KDM4C: variants seen among roughly 807,000 people sequenced by gnomAD.
KDM4C encodes the protein lysine-specific demethylase 4C.
In KDM4C, 81 loss-of-function variants were observed where a neutral mutation model predicts 129.3. The ratio of observed to expected loss-of-function variants is 0.63; its 90% CI spans 0.52 to 0.75. KDM4C has a LOEUF of 0.75. KDM4C is among the 30% of genes least tolerant of loss of function. The pLI, the probability that KDM4C is intolerant of heterozygous loss-of-function variation, is 0.00. For missense variants in KDM4C, 1,457 were observed against 1,304.0 expected, an observed-to-expected ratio of 1.12 and a Z score of -1.81; for synonymous variants, 573 against 456.1, an observed-to-expected ratio of 1.26 and a Z score of -3.26.
At position 7,041,604 on chromosome 9, in the gene KDM4C, A is replaced by G. The variant is rs186721263; in HGVS notation, c.2260-5258A>G. On this transcript the variant is annotated intron_variant, in intron 15 of 21. Transcript: ENST00000381309. Reference sequence around the variant, plus strand: ...TGATTGTGTGCTAGACATTTTGTCTATGATGACTGAAATGAGTATTATTAT... The same window carrying G: ...TGATTGTGTGCTAGACATTTTGTCTGTGATGACTGAAATGAGTATTATTAT... Among the ~76,000 whole-genome samples the G allele has an allele frequency of 6.3e-3, 952 of 152,094 alleles. 6 individuals are homozygous for G. Among genetic ancestry groups the G allele is most frequent in the Middle Eastern group, 0.01 (3 of 294 alleles).
intron 1 of KDM4C, among the ~76,000 whole-genome samples, chr9:6,733,050 A>C (rs541924928): frequency 6.6e-6 from 1 of 152,316 alleles, no homozygotes; most frequent in Admixed American, 6.5e-5. Context: ...ACGTGGTTAC[A>C]AGGTCAAGCT....
intron 5 of KDM4C, among the ~76,000 whole-genome samples, chr9:6,872,057 T>G (rs577071586): frequency 6.6e-5 from 10 of 152,234 alleles, no homozygotes; most frequent in Non-Finnish European, 5.9e-5. Context: ...AGGGGTATTT[T>G]GAGGGGAGGA....
At chr9:7,161,495 C>G (rs542012877) in intron 19 of KDM4C, among the ~76,000 whole-genome samples, 1 of 152,264 alleles carries the variant, frequency 6.6e-6, no homozygotes, top group African/African-American at 2.4e-5. Context: ...ACTTCTCTAC[C>G]CCGAATGAAA....
In KDM4C at chr9:7,160,793, C is replaced by T. The variant is rs544002536; in HGVS notation, c.2782-4445C>T. On this transcript the variant is annotated intron_variant, in intron 19 of 21. Transcript: ENST00000381309. Reference sequence around the variant, plus strand: ...GTTAGGCTACATGGGAGTCAGGGACCCACCTGAGGAGGCAGTGTGCCCTTC... The same window carrying T: ...GTTAGGCTACATGGGAGTCAGGGACTCACCTGAGGAGGCAGTGTGCCCTTC... Among the ~76,000 whole-genome samples, 4 of 152,286 alleles carry T rather than the reference C, an allele frequency of 2.6e-5. No homozygotes were observed. The East Asian group carries it at 7.7e-4, about 29-fold the overall frequency.
intron 1 of KDM4C, chr9:6,735,113 G>A (rs553581818): frequency 7.4e-5 from 26 of 353,324 alleles, no homozygotes; most frequent in African/African-American, 4.9e-4. Context: ...GGCAGTGCTA[G>A]GGGACAATTA....
chr9:7,027,020 T>G (rs1360728577), intron 15 of KDM4C, among the ~76,000 whole-genome samples: 7 of 152,174 alleles, frequency 4.6e-5, no homozygotes, highest in Admixed American at 4.6e-4. Flanking sequence ...TTCTTTGAGT[T>G]TACTCTGAGC....
chr9:7,009,897 A>C (rs993975733), intron 12 of KDM4C, among the ~76,000 whole-genome samples: 6 of 152,142 alleles, frequency 3.9e-5, no homozygotes, highest in African/African-American at 1.4e-4. Context: ...ATTTGAAAAA[A>C]CTCACAAATG....
intron 5 of KDM4C, among the ~76,000 whole-genome samples, chr9:6,852,139 A>G (rs1306348441): frequency 2.6e-5 from 4 of 152,214 alleles, no homozygotes; most frequent in South Asian, 4.1e-4. Context: ...TAGTAGATGT[A>G]TGAAATATTA....
At chr9:7,060,084 G>C (rs1014930847) in intron 17 of KDM4C, among the ~76,000 whole-genome samples, 1 of 151,994 alleles carries the variant, frequency 6.6e-6, no homozygotes, top group Non-Finnish European at 1.5e-5. Context: ...CACATTCCTT[G>C]CAATGATTTT....
chr9:6,950,121 A>T (rs1165147589), intron 8 of KDM4C, among the ~76,000 whole-genome samples: 3 of 147,152 alleles, frequency 2.0e-5, no homozygotes, highest in African/African-American at 7.5e-5. Flanking sequence ...GTGGACAAAT[A>T]AAAATGGTAT....
intron 1 of KDM4C, among the ~76,000 whole-genome samples, chr9:6,790,670 A>T (rs935802201): frequency 2.7e-5 from 4 of 150,616 alleles, no homozygotes; most frequent in African/African-American, 9.8e-5. Context: ...AAAAAAAAAA[A>T]AAAAAAAAAA....
chr9:7,032,644 G>T (rs12554351), intron 15 of KDM4C, among the ~76,000 whole-genome samples: 7,633 of 152,238 alleles, frequency 0.05, 207 homozygotes, highest in East Asian at 0.085. Flanking sequence ...GAACCGGAGG[G>T]TGTTAGAGTT....
intron 8 of KDM4C, among the ~76,000 whole-genome samples, chr9:6,971,340 G>C (rs1831952635): frequency 6.6e-6 from 1 of 152,056 alleles, no homozygotes; most frequent in Non-Finnish European, 1.5e-5. Flanking sequence ...ATTCCAGTTT[G>C]GATTTAAATA....
chr9:6,931,544 A>C (rs949024421), intron 8 of KDM4C, among the ~76,000 whole-genome samples: 2 of 151,976 alleles, frequency 1.3e-5, no homozygotes, highest in African/African-American at 4.8e-5. Flanking sequence ...TCTTTCACCC[A>C]GGCTGGAGAA....
At chr9:7,115,974 A>T (rs1305887702) in intron 18 of KDM4C, among the ~76,000 whole-genome samples, 1 of 152,202 alleles carries the variant, frequency 6.6e-6, no homozygotes, top group East Asian at 1.9e-4. Flanking sequence ...TTGAAGTGTC[A>T]CATGTCCTTT....
intron 8 of KDM4C, among the ~76,000 whole-genome samples, chr9:6,957,732 T>C (rs1348368411): frequency 1.3e-5 from 2 of 151,952 alleles, no homozygotes; most frequent in Admixed American, 6.6e-5. Flanking sequence ...CAAGCCAGGG[T>C]GGTGGGGAGG....
intron 12 of KDM4C, among the ~76,000 whole-genome samples, chr9:7,010,771 C>G (rs1320815876): frequency 6.6e-6 from 1 of 152,152 alleles, no homozygotes; most frequent in East Asian, 1.9e-4. Context: ...AGACCAGGCT[C>G]AGTGGTTCAT....
At chr9:6,837,570 T>C (rs758342660) in intron 4 of KDM4C, among the ~76,000 whole-genome samples, 6 of 152,264 alleles carry the variant, frequency 3.9e-5, no homozygotes, top group Non-Finnish European at 7.3e-5. Context: ...AAATATGTTA[T>C]GTGAATTTGC....
At position 6,984,169 on chromosome 9, in the gene KDM4C, C is replaced by G. The variant is rs138893846; in HGVS notation, c.1119C>G (p.Phe373Leu). Reference sequence around the variant, plus strand: ...CCACTGCTTCTCTTGTTGACAGCTTCCAGTGTGCTAGGTCTACCTCTAAAA... The same window carrying G: ...CCACTGCTTCTCTTGTTGACAGCTTGCAGTGTGCTAGGTCTACCTCTAAAA... ...RRKVRKASRS[F>L]QCARSTSKRP... The change falls in exon 10 of 22, where the codon TTC becomes TTG. Residue 373 changes from phenylalanine to leucine, a missense_variant. By Grantham distance (22) the Phe-to-Leu change is conservative. Transcript: ENST00000381309. 1.3e-4 allele frequency: 205 copies of G among 1,609,776 alleles called. No homozygotes were observed. The East Asian group carries it at 2.3e-3, about 18-fold the overall frequency.
Sources: gnomAD v4.1 joint callset for allele counts (sites outside exome capture counted in the v4.1 genomes callset) on GRCh38, gnomAD v4.1.1 for gene constraint, MANE v1.5 for transcripts, NCBI Gene and HGNC (gene_info 2026-07-23, HGNC 2026-07-21) for gene names.